RHOBTB3: variants seen among roughly 807,000 people sequenced by gnomAD.
RHOBTB3 encodes rho-related BTB domain-containing protein 3.
A neutral mutation model predicts 67.2 loss-of-function variants in RHOBTB3; 47 were observed. That is an observed-to-expected ratio of 0.70 (90% CI 0.55 to 0.89). RHOBTB3 has a LOEUF of 0.89. Ranked by LOEUF, RHOBTB3 falls within the 40% of genes least tolerant of loss-of-function variation. RHOBTB3 has a pLI of 0.00. For missense variants in RHOBTB3, 631 were observed against 750.0 expected (o/e 0.84, Z 1.85); for synonymous variants, 273 against 274.2 (o/e 1.00, Z 0.04).
At chr5:95,730,956 G>A (rs1337728701), upstream of RHOBTB3, 4 of 496,890 alleles carry the variant, frequency 8.1e-6, no homozygotes, top group East Asian at 6.9e-5. Context: ...GGCGGCACTC[G>A]GGCTGGAATC....
intron 1 of RHOBTB3, among the ~76,000 whole-genome samples, chr5:95,718,977 G>A (rs753663348): frequency 1.2e-4 from 19 of 152,182 alleles, no homozygotes; most frequent in Non-Finnish European, 2.6e-4. Context: ...TGGAGCTGTT[G>A]TAGGCAGTGA....
Position 95,748,505 on chromosome 5 carries a change from T to C in RHOBTB3, c.570+18T>C, listed in dbSNP as rs373883248. 2.3e-5 allele frequency: 37 copies of C among 1,598,028 alleles called. No individual in the cohort carries two copies. Among genetic ancestry groups the C allele is most frequent in the Non-Finnish European group, 3.1e-5 (36 of 1,169,996 alleles). ...GAGGAGTGGTAAGTGGAAATTCCTG[T>C]TAAGTATAAAGTTATTTGTCAGGTT... On this transcript the variant is annotated intron_variant, in intron 4 of 11. Coordinates refer to ENST00000379982, the MANE Select transcript of RHOBTB3 (RefSeq NM_014899.4).
At chr5:95,744,065 C>T (rs989108890) in intron 3 of RHOBTB3, among the ~76,000 whole-genome samples, 2 of 151,410 alleles carry the variant, frequency 1.3e-5, no homozygotes, top group Non-Finnish European at 2.9e-5. Context: ...TCCCTCTTCT[C>T]TCCTTCCCTC....
rs1178853266 is a variant in RHOBTB3, at chr5:95,731,611, G to T, written c.-72G>T. ...TGAGCGGATTGCGGGTGAACTCGCC[G>T]CCCGGGGGCCCCGCGAAGCCGTGAG... On this transcript the variant is annotated 5_prime_UTR_variant, in exon 1 of 12. Coordinates refer to ENST00000379982, the MANE Select transcript of RHOBTB3 (RefSeq NM_014899.4). The T allele has an allele frequency of 3.4e-5, 54 of 1,599,688 alleles. No individual in the cohort carries two copies. Among genetic ancestry groups the T allele is most frequent in the African/African-American group, 8.1e-5 (6 of 74,494 alleles).
At chr5:95,770,613 T>C in intron 8 of RHOBTB3, 2 of 472,906 alleles carry the variant, frequency 4.2e-6, no homozygotes, top group Non-Finnish European at 4.3e-6. Context: ...GGGTGGCTTC[T>C]CCATTAATTA....
chr5:95,731,031 T>C, upstream of RHOBTB3: 1 of 972,570 alleles, frequency 1.0e-6, no homozygotes, highest in Non-Finnish European at 1.4e-6. Flanking sequence ...CCCACCCCCC[T>C]TTCCTGGCTC....
chr5:95,736,321 A>G (rs1175132357), intron 2 of RHOBTB3, among the ~76,000 whole-genome samples: 1 of 152,124 alleles, frequency 6.6e-6, no homozygotes, highest in Non-Finnish European at 1.5e-5. Context: ...TAGTAAAGGA[A>G]TTTCTCCCTC....
At chr5:95,786,921 T>C (rs570145287) in intron 10 of RHOBTB3, among the ~76,000 whole-genome samples, 4 of 152,172 alleles carry the variant, frequency 2.6e-5, no homozygotes, top group Non-Finnish European at 5.9e-5. Flanking sequence ...CTGGGCCAGG[T>C]CTGTACATTA....
At chr5:95,745,142 A>G (rs758412666) in intron 3 of RHOBTB3, among the ~76,000 whole-genome samples, 14 of 152,044 alleles carry the variant, frequency 9.2e-5, no homozygotes, top group Non-Finnish European at 1.6e-4. Context: ...CGCTATGTCA[A>G]CCAAGCTGGC....
intron 7 of RHOBTB3, among the ~76,000 whole-genome samples, chr5:95,766,596 T>TA (rs534051950): frequency 0.045 from 5,201 of 115,796 alleles, 214 homozygotes; most frequent in African/African-American, 0.12. Flanking sequence ...GACTAAAATT[T>TA]AAAAAAAAAA....
chr5:95,721,942 A>G (rs1379924612), intron 1 of RHOBTB3, among the ~76,000 whole-genome samples: 1 of 152,176 alleles, frequency 6.6e-6, no homozygotes, highest in Non-Finnish European at 1.5e-5. Context: ...AAAATCTCTA[A>G]GAAAATTTTG....
rs1745081094 is a variant in RHOBTB3, at chr5:95,751,285, G to A, written c.571-954G>A. On this transcript the variant is annotated intron_variant, in intron 4 of 11. Transcript: ENST00000379982. Reference sequence around the variant, plus strand: ...ATATTAACTGTGGTGGTTGCCCACTGAGAAAATTATTACCAGCCACACAAT... The same window carrying A: ...ATATTAACTGTGGTGGTTGCCCACTAAGAAAATTATTACCAGCCACACAAT... 2.0e-5 allele frequency: 3 copies of A among 152,110 alleles called. No homozygotes were observed. In the South Asian group the frequency reaches 6.2e-4, roughly 31 times the overall value. The allele number at this position is 152,110 out of a possible 1,614,324, so 9.4% of individuals were successfully genotyped here. A position where few individuals can be genotyped will look rare whatever the true frequency, so the allele number is the denominator to read the frequency against.
At chr5:95,721,352 C>T (rs1322052054) in intron 1 of RHOBTB3, among the ~76,000 whole-genome samples, 1 of 152,110 alleles carries the variant, frequency 6.6e-6, no homozygotes, top group African/African-American at 2.4e-5. Context: ...GGAGAGTGTC[C>T]TTGTCCTACC....
Position 95,788,837 on chromosome 5 carries a change from C to T in RHOBTB3, c.1699C>T (p.Pro567Ser). 6.4e-7 allele frequency: 1 copy of T among 1,559,412 alleles called. No homozygotes were observed. Among genetic ancestry groups the T allele is most frequent in the Admixed American group, 2.1e-5 (1 of 46,924 alleles). Residue 567 changes from proline (P) to serine (S), a missense_variant, in exon 11 of 12, where the codon CCT becomes TCT. Coordinates refer to ENST00000379982, the MANE Select transcript of RHOBTB3 (RefSeq NM_014899.4). ...TAACTACCTCATCTTCAGTCAAAAG[C>T]CTGAATTTCAGGATCTTTCAGGTAG... is the stretch of plus-strand genomic sequence containing the variant. The part of the protein sequence containing the change: ...ATNYLIFSQK[P>S]EFQDLSVEER...
At chr5:95,769,981 G>A in intron 8 of RHOBTB3, 1 of 423,212 alleles carries the variant, frequency 2.4e-6, no homozygotes, top group African/African-American at 2.1e-5. Flanking sequence ...TTAAAGATAT[G>A]GCTCTTGCTG....
chr5:95,731,467 T>G lies in RHOBTB3; in HGVS notation c.-216T>G. 8.2e-7 allele frequency: 1 copy of G among 1,219,092 alleles called. No individual in the cohort carries two copies. The highest frequency in any genetic ancestry group is 1.0e-6 in the Non-Finnish European group (1 of 983,036). 75.5% of individuals were successfully genotyped at this position (1,219,092 alleles called of 1,614,324 possible). On this transcript the variant is annotated 5_prime_UTR_variant, in exon 1 of 12. Coordinates refer to ENST00000379982, the MANE Select transcript of RHOBTB3 (RefSeq NM_014899.4). ...GGGCACTCCCTGAGTAGCGGCAGCTTATCCCCCGCCCGCTAGCCCGCCCTG... is the reference window on the plus strand; with the variant it reads ...GGGCACTCCCTGAGTAGCGGCAGCTGATCCCCCGCCCGCTAGCCCGCCCTG...
At chr5:95,739,009 T>C (rs1374539228) in intron 3 of RHOBTB3, among the ~76,000 whole-genome samples, 1 of 152,196 alleles carries the variant, frequency 6.6e-6, no homozygotes, top group African/African-American at 2.4e-5. Flanking sequence ...ACCTCACCTG[T>C]TCTTACTCTT....
chr5:95,734,022 G>A (rs1755385276), intron 2 of RHOBTB3, among the ~76,000 whole-genome samples: 1 of 152,188 alleles, frequency 6.6e-6, no homozygotes, highest in African/African-American at 2.4e-5. Flanking sequence ...GCTGTGCTGA[G>A]AAGTGAATGA....
At chr5:95,743,743 C>T (rs1404521358) in intron 3 of RHOBTB3, among the ~76,000 whole-genome samples, 1 of 126,640 alleles carries the variant, frequency 7.9e-6, no homozygotes, top group Non-Finnish European at 1.6e-5. Context: ...CAGCATGTCA[C>T]TCTGTTGCCC....
Sources: gnomAD v4.1 joint callset for allele counts (sites outside exome capture counted in the v4.1 genomes callset) on GRCh38, gnomAD v4.1.1 for gene constraint, MANE v1.5 for transcripts, NCBI Gene and HGNC (gene_info 2026-07-23, HGNC 2026-07-21) for gene names.